The following FRMPD2 variants were observed in gnomAD, a reference collection of about 807,000 sequenced individuals.
FRMPD2 encodes FERM and PDZ domain-containing protein 2.
Under a neutral mutation model 140.1 loss-of-function variants are expected in FRMPD2, and 96 were observed. The ratio of observed to expected loss-of-function variants is 0.69; its 90% confidence interval spans 0.58 to 0.81. The LOEUF (loss-of-function observed/expected upper bound fraction) is 0.81. FRMPD2 is among the 40% of genes least tolerant of loss of function. The probability of loss-of-function intolerance (pLI) is 0.00; values close to 1 mark genes in which losing one functional copy is unlikely to be tolerated. For missense variants in FRMPD2, 1,240 were observed against 1,447.4 expected (o/e 0.86, Z 2.32); for synonymous variants, 449 against 547.6 (o/e 0.82, Z 2.52).
At chr10:48,258,829 G>A (rs1419717934) in intron 1 of FRMPD2, among the ~76,000 whole-genome samples, 1 of 152,072 alleles carries the variant, frequency 6.6e-6, no homozygotes, top group Non-Finnish European at 1.5e-5. Context: ...TATAGTAAAT[G>A]GAAAGTTAGT....
chr10:48,209,717 G>A (rs183666633), intron 13 of FRMPD2, among the ~76,000 whole-genome samples: 321 of 152,234 alleles, frequency 2.1e-3, no homozygotes, highest in African/African-American at 7.5e-3. Context: ...TATCAACAAC[G>A]TTCAAAATGT....
chr10:48,218,056 T>C (rs936115286), intron 12 of FRMPD2, among the ~76,000 whole-genome samples: 1 of 152,182 alleles, frequency 6.6e-6, no homozygotes, highest in Non-Finnish European at 1.5e-5. Context: ...CCAAGGACTC[T>C]CTCCTTGGCT....
At chr10:48,225,512 T>C in intron 10 of FRMPD2, among the ~76,000 whole-genome samples, 1 of 152,184 alleles carries the variant, frequency 6.6e-6, no homozygotes, top group East Asian at 1.9e-4. Flanking sequence ...AAAAATCATC[T>C]TTTTGTCTCA....
At chr10:48,270,211 T>C (rs1396133884) in intron 1 of FRMPD2, among the ~76,000 whole-genome samples, 2 of 152,320 alleles carry the variant, frequency 1.3e-5, no homozygotes, top group East Asian at 3.9e-4. Flanking sequence ...GTGGACGTGG[T>C]CTCGAGGCCC....
At position 48,240,479 on chromosome 10, in the gene FRMPD2, A is replaced by C. The variant is rs368115302; in HGVS notation, c.581T>G (p.Val194Gly). 24 of 1,613,508 alleles carry C rather than the reference A, an allele frequency of 1.5e-5. No individual in the cohort carries two copies. The highest frequency in any genetic ancestry group is 1.9e-5 in the Non-Finnish European group (22 of 1,179,994). Residue 194 changes from valine to glycine, a missense_variant, in exon 6 of 29, where the codon GTT (valine) becomes GGT (glycine). Coordinates refer to ENST00000374201, the MANE Select transcript of FRMPD2 (RefSeq NM_001018071.4). Reference protein sequence around the residue: ...LGTISEVEKRVVEESSSVQQN... With the variant: ...LGTISEVEKRGVEESSSVQQN... The stretch of plus-strand genomic sequence containing the variant: ...CTGCACAGAGGAGCTTTCCTCCACA[A>C]CTCTTTTCTCCACCTGGGGGTCAAG...
At chr10:48,239,945 C>T (rs187174027) in intron 6 of FRMPD2, among the ~76,000 whole-genome samples, 80 of 152,138 alleles carry the variant, frequency 5.3e-4, no homozygotes, top group Non-Finnish European at 9.6e-4. Flanking sequence ...CAAACAATAA[C>T]ATTAATTTTT....
intron 12 of FRMPD2, among the ~76,000 whole-genome samples, chr10:48,212,872 G>T (rs889434686): frequency 6.6e-6 from 1 of 152,220 alleles, no homozygotes; most frequent in African/African-American, 2.4e-5. Context: ...AGTCCATGCA[G>T]GAGTGATCTT....
At position 48,228,171 on chromosome 10, in the gene FRMPD2, A is replaced by G. The variant is rs1268189337; in HGVS notation, c.1168+3944T>C. Among the ~76,000 whole-genome samples, 4 of 152,140 alleles carry G rather than the reference A, an allele frequency of 2.6e-5. No homozygotes were observed. In the East Asian group the frequency reaches 7.7e-4, roughly 29 times the overall value. On this transcript the variant is annotated intron_variant, in intron 10 of 28. Coordinates refer to ENST00000374201, the MANE Select transcript of FRMPD2 (RefSeq NM_001018071.4). ...GATTTACTAACAATAAAAATAACGT[A>G]AGATAATGACTACATTTGTTTCATG...
chr10:48,174,006 C>T (rs1374156791), intron 24 of FRMPD2, among the ~76,000 whole-genome samples: 1 of 152,224 alleles, frequency 6.6e-6, no homozygotes, highest in Non-Finnish European at 1.5e-5. Context: ...TGCTCATTAG[C>T]AAAGGTCTAA....
At chr10:48,236,057 T>TG (rs972249750) in intron 9 of FRMPD2, among the ~76,000 whole-genome samples, 16 of 141,680 alleles carry the variant, frequency 1.1e-4, no homozygotes, top group African/African-American at 3.5e-4. Context: ...GTTTTTTTGT[T>TG]TTTGTTTTTT....
intron 1 of FRMPD2, among the ~76,000 whole-genome samples, chr10:48,267,660 G>A (rs1399047333): frequency 6.6e-6 from 1 of 152,082 alleles, no homozygotes; most frequent in Non-Finnish European, 1.5e-5. Context: ...AATGGGCAAA[G>A]GACTCAAATA....
chr10:48,222,964 C>T (rs967651139), intron 11 of FRMPD2, among the ~76,000 whole-genome samples, 159 bp downstream of exon 11: 4 of 152,228 alleles, frequency 2.6e-5, no homozygotes, highest in Non-Finnish European at 5.9e-5. Context: ...TTTGTTCTAT[C>T]TTGATCAGAA....
intron 13 of FRMPD2, among the ~76,000 whole-genome samples, chr10:48,208,562 G>A (rs745773756): frequency 6.6e-6 from 1 of 152,198 alleles, no homozygotes; most frequent in Non-Finnish European, 1.5e-5. Flanking sequence ...GTTTGCTCCT[G>A]AGTCTTCACT....
chr10:48,225,171 A>C (rs1160950412), intron 10 of FRMPD2, among the ~76,000 whole-genome samples: 6 of 152,210 alleles, frequency 3.9e-5, no homozygotes, highest in Non-Finnish European at 5.9e-5. Flanking sequence ...GCCTCCACAC[A>C]GTGGTTAAAG....
intron 10 of FRMPD2, among the ~76,000 whole-genome samples, chr10:48,226,215 A>G (rs11101266): frequency 6.6e-6 from 1 of 152,028 alleles, no homozygotes; most frequent in African/African-American, 2.4e-5. Flanking sequence ...ACATATTTCA[A>G]TTGGCATCTT....
At chr10:48,259,653 TGTGTGA>T (rs1218765929) in intron 1 of FRMPD2, among the ~76,000 whole-genome samples, 3 of 151,944 alleles carry the variant, frequency 2.0e-5, no homozygotes, top group Admixed American at 6.6e-5. Context: ...TGTGTGTGTG[TGTGTGA>T]GTATACACAC....
At chr10:48,247,685 T>G (rs477693) in intron 3 of FRMPD2, among the ~76,000 whole-genome samples, 14,205 of 152,234 alleles carry the variant, frequency 0.093, 2,168 homozygotes, top group African/African-American at 0.32. Context: ...GTAACTCCCC[T>G]GCATTCTCAG....
intron 8 of FRMPD2, 96 bp downstream of exon 8, chr10:48,237,895 T>C (rs1840006479): frequency 2.7e-6 from 4 of 1,455,396 alleles, no homozygotes; most frequent in African/African-American, 2.8e-5. Flanking sequence ...AGTTGTCCCC[T>C]AGAAGACCCT....
At chr10:48,219,234 CTTT>C (rs56740008) in intron 12 of FRMPD2, among the ~76,000 whole-genome samples, 3 of 144,146 alleles carry the variant, frequency 2.1e-5, no homozygotes, top group African/African-American at 2.5e-5. Context: ...TTCTTTCTTT[CTTT>C]TTTTTTTTTT....
Sources: gnomAD v4.1 joint callset for allele counts (sites outside exome capture counted in the v4.1 genomes callset) on GRCh38, gnomAD v4.1.1 for gene constraint, MANE v1.5 for transcripts, NCBI Gene and HGNC (gene_info 2026-07-23, HGNC 2026-07-21) for gene names.